Variants in SAMD14 observed in about 807,000 individuals in gnomAD.
SAMD14 encodes the protein sterile alpha motif domain containing 14, also known as sterile alpha motif domain-containing protein 14.
A neutral mutation model predicts 46.2 loss-of-function variants in SAMD14; 27 were observed. The ratio of observed to expected loss-of-function variants is 0.58; its 90% CI spans 0.43 to 0.81. The LOEUF is 0.81. Ranked by LOEUF, SAMD14 falls within the 30% of genes least tolerant of loss-of-function variation. The pLI, the probability that SAMD14 is intolerant of heterozygous loss-of-function variation, is 0.00. For missense variants in SAMD14, 559 were observed against 582.2 expected (o/e 0.96, Z 0.41); for synonymous variants, 241 against 254.3 (o/e 0.95, Z 0.50).
chr17:50,113,243 G>A (rs1283628908), intron 9 of SAMD14, 195 bp from the exon 10 acceptor site: 2 of 617,592 alleles, frequency 3.2e-6, no homozygotes, highest in East Asian at 5.8e-5. Flanking sequence ...GAGTGTGGTT[G>A]GGAAAGATGA....
rs1910947408 is a variant in SAMD14, at chr17:50,113,040, C to G, written c.1107G>C (p.Gly369=). The G allele has an allele frequency of 1.9e-6, 3 of 1,611,840 alleles. No individual in the cohort carries two copies. Among genetic ancestry groups the G allele is most frequent in the Non-Finnish European group, 2.5e-6 (3 of 1,179,974 alleles). Residue 369 remains glycine (G), a synonymous_variant, in exon 10 of 10, where the codon GGG becomes GGC. Transcript: ENST00000330175. ...QLDGSKLKSL[G]LSNSHDRALV... is the part of the protein sequence containing the mutation. ...GTGCCCGGTCATGAGAGTTGCTGAG[C>G]CCCAGGCTCTGGGGAGGAGTCCGGG...
At position 50,127,209 on chromosome 17, in the gene SAMD14, C is replaced by T. The variant is rs148058848; in HGVS notation, c.-12-2238G>A. On this transcript the variant is annotated intron_variant, in intron 1 of 9. Coordinates refer to ENST00000330175, the MANE Select transcript of SAMD14 (RefSeq NM_001257359.2). Reference sequence around the variant, plus strand: ...TTGAGCCAGGGCTCCTGCCCCTCTGCGCTATCCTAGGTGATGATCTTCAGT... The same window carrying T: ...TTGAGCCAGGGCTCCTGCCCCTCTGTGCTATCCTAGGTGATGATCTTCAGT... Among the ~76,000 whole-genome samples, 851 of 152,238 alleles carry T rather than the reference C, an allele frequency of 5.6e-3. 12 individuals are homozygous for T. Among genetic ancestry groups the T allele is most frequent in the African/African-American group, 0.019 (800 of 41,544 alleles).
rs377751890 is a variant in SAMD14 at position 50,116,038 on chromosome 17, G to T, written c.552C>A (p.Leu184=). 7 of 1,613,898 alleles carry T rather than the reference G, an allele frequency of 4.3e-6. No homozygotes were observed. The highest frequency in any genetic ancestry group is 5.9e-6 in the Non-Finnish European group (7 of 1,179,962). ...PPEPASPTIG[L]DKKTRRKFLD... ...GGAACTTTCGGCGAGTCTTCTTATCGAGGCCGATGGTGGGGCTGGCGGGCT... is the reference window on the plus strand; with the variant it reads ...GGAACTTTCGGCGAGTCTTCTTATCTAGGCCGATGGTGGGGCTGGCGGGCT... Residue 184 remains leucine, a synonymous_variant, in exon 5 of 10, where the codon CTC becomes CTA. Transcript: ENST00000330175.
chr17:50,126,232 T>C (rs1567723662), intron 1 of SAMD14, among the ~76,000 whole-genome samples: 1 of 151,996 alleles, frequency 6.6e-6, no homozygotes, highest in Non-Finnish European at 1.5e-5. Context: ...ACATGCCTGC[T>C]GGGGTCTTTT....
chr17:50,116,399 ACTTT>A, intron 4 of SAMD14: 1 of 190,258 alleles, frequency 5.3e-6, no homozygotes, highest in Non-Finnish European at 1.0e-5. Context: ...ATCCTGGCCA[ACTTT>A]TTTTTTTTTT....
rs1911351160 is a variant in SAMD14, at chr17:50,118,413, CA to C, written c.44-87del. The C allele has an allele frequency of 2.7e-6, 4 of 1,486,410 alleles. No homozygotes were observed. In the South Asian group the frequency reaches 3.6e-5, roughly 13 times the overall value. 92.1% of individuals were successfully genotyped at this position (1,486,410 alleles called of 1,614,324 possible). ...GCCCACCTCAGGGGCCACCTGCACCCACACCCCAGGCATTCAACCCGTGTTC... is the reference window on the plus strand; with the variant it reads ...GCCCACCTCAGGGGCCACCTGCACCCCACCCCAGGCATTCAACCCGTGTTC... On this transcript the variant is annotated intron_variant, in intron 2 of 9. Transcript: ENST00000330175.
intron 2 of SAMD14, 146 bp from the exon 3 acceptor site, chr17:50,118,473 G>A (rs1911354115): frequency 1.0e-6 from 1 of 959,604 alleles, no homozygotes; most frequent in Non-Finnish European, 1.5e-6. Flanking sequence ...ATGAAAAACA[G>A]GGTGTCTCCC....
At chr17:50,128,719 C>G (rs1226895610) in intron 1 of SAMD14, among the ~76,000 whole-genome samples, 1 of 151,836 alleles carries the variant, frequency 6.6e-6, no homozygotes, top group Non-Finnish European at 1.5e-5. Context: ...GGGGAGGGAG[C>G]GGGAGCGGGA....
At chr17:50,126,706 T>G (rs997365681) in intron 1 of SAMD14, among the ~76,000 whole-genome samples, 1 of 152,176 alleles carries the variant, frequency 6.6e-6, no homozygotes, top group African/African-American at 2.4e-5. Flanking sequence ...AGTTGGTGCA[T>G]GCTTATAATC....
chr17:50,116,009 T>A lies in SAMD14; in HGVS notation c.581A>T (p.Asp194Val). The stretch of plus-strand genomic sequence containing the variant: ...TAGCCCCGCCTCCACTCACCCCAGG[T>A]CCAGGAACTTTCGGCGAGTCTTCTT... ...LDKKTRRKFL[D>V]LGVTLRRAST... Residue 194 changes from aspartate to valine, a missense_variant, in exon 5 of 10, where the codon GAC becomes GTC. Transcript: ENST00000330175. 1 of 1,614,094 alleles carries A rather than the reference T, an allele frequency of 6.2e-7. No individual in the cohort carries two copies. The highest frequency in any genetic ancestry group is 8.5e-7 in the Non-Finnish European group (1 of 1,179,970).
intron 1 of SAMD14, among the ~76,000 whole-genome samples, chr17:50,127,111 AAATT>A (rs1911813815): frequency 6.6e-6 from 1 of 151,868 alleles, no homozygotes; most frequent in South Asian, 2.1e-4. Flanking sequence ...AAAAAAAAAA[AAATT>A]AAGTAAATAA....
chr17:50,115,427 CG>C lies in SAMD14; in HGVS notation c.822+136del, dbSNP rs1441768693. The C allele has an allele frequency of 7.2e-6, 6 of 834,978 alleles. No individual in the cohort carries two copies. The highest frequency in any genetic ancestry group is 3.4e-5 in the African/African-American group (2 of 58,868). 51.7% of individuals were successfully genotyped at this position (834,978 alleles called of 1,614,324 possible). ...TGAATTCAGAGAATGCATGAAGTAA[CG>C]GATCACTGCATGGCTCCATGGATGG... On this transcript the variant is annotated intron_variant, in intron 7 of 9. Coordinates refer to ENST00000330175, the MANE Select transcript of SAMD14 (RefSeq NM_001257359.2). This position sits in a 1 kb window ranked among gnomAD's most constrained non-coding sequence, Gnocchi z 5.3.
At chr17:50,125,223 C>T in intron 1 of SAMD14, 1 of 480,160 alleles carries the variant, frequency 2.1e-6, no homozygotes, top group Non-Finnish European at 3.8e-6. Flanking sequence ...AGGCTGAGCC[C>T]TGTGGTCCTG....
Position 50,110,225 on chromosome 17 carries a change from T to C in SAMD14, c.*2668A>G. 2 of 1,031,098 alleles carry C rather than the reference T, an allele frequency of 1.9e-6. No individual in the cohort carries two copies. Among genetic ancestry groups the C allele is most frequent in the Non-Finnish European group, 2.7e-6 (2 of 731,050 alleles). 63.9% of individuals were successfully genotyped at this position (1,031,098 alleles called of 1,614,324 possible). ...CCCTGATGACCAGGTTCTGTCTCTA[T>C]GGAAGTCACTGCGGTGATAGGTCTG... On this transcript the variant is annotated 3_prime_UTR_variant, in exon 10 of 10. Transcript: ENST00000330175.
At position 50,130,116 on chromosome 17, in the gene SAMD14, G is replaced by T. The variant is rs977362789; in HGVS notation, c.-612C>A. On this transcript the variant is annotated 5_prime_UTR_variant, in exon 1 of 10. Transcript: ENST00000330175. This position sits in a 1 kb window ranked among gnomAD's most constrained non-coding sequence, Gnocchi z 4.1. ...GCGGGGAGGAGGCGGCTGGGGCCGGGGAGCGGAGTTGCAGCTACTTCTCTG... is the reference window on the plus strand; with the variant it reads ...GCGGGGAGGAGGCGGCTGGGGCCGGTGAGCGGAGTTGCAGCTACTTCTCTG... Among the ~76,000 whole-genome samples, 2 of 152,038 alleles carry T rather than the reference G, an allele frequency of 1.3e-5. No individual in the cohort carries two copies. The highest frequency in any genetic ancestry group is 4.8e-5 in the African/African-American group (2 of 41,414).
In SAMD14 at chr17:50,114,225, A is replaced by G. The variant is rs1337380897; in HGVS notation, c.904T>C (p.Ser302Pro). Residue 302 changes from serine to proline, a missense_variant, in exon 8 of 10, where the codon TCT (serine) becomes CCT (proline). Physicochemically the swap from Ser to Pro is moderately conservative, Grantham distance 74. Coordinates refer to ENST00000330175, the MANE Select transcript of SAMD14 (RefSeq NM_001257359.2). ...PSGPWQEAKC[S>P]YPYHTLSQSS... is the part of the protein sequence containing the mutation. ...TGAGACAGCGTGTGGTAGGGGTAAG[A>G]ACATTTGGCCTCCTGCCAGGGCCCA... The G allele has an allele frequency of 9.3e-6, 15 of 1,614,122 alleles. No individual in the cohort carries two copies. In the Admixed American group the frequency reaches 1.8e-4, roughly 20 times the overall value.
At chr17:50,114,424 T>C in intron 7 of SAMD14, 118 bp from the exon 8 acceptor site, 3 of 1,613,654 alleles carry the variant, frequency 1.9e-6, no homozygotes, top group Non-Finnish European at 2.5e-6. Flanking sequence ...CTCCTGTGCA[T>C]GAGCCAGGAG....
In SAMD14 at chr17:50,114,274, G is replaced by A. The variant is rs1450003565; in HGVS notation, c.855C>T (p.Pro285=). The A allele has an allele frequency of 1.2e-6, 2 of 1,613,906 alleles. No individual in the cohort carries two copies. Among genetic ancestry groups the A allele is most frequent in the Non-Finnish European group, 1.7e-6 (2 of 1,179,994 alleles). ...CACTGGGGATCTTGGGGCTGCTGCT[G>A]GGGGGCGTGGAGTCATCACTCAGAG... is the stretch of plus-strand genomic sequence containing the variant. ...ESTLSDDSTP[P]SSSPKIPSGP... is the part of the protein sequence containing the mutation. Residue 285 remains proline (P), a synonymous_variant, in exon 8 of 10, where the codon CCC becomes CCT. Coordinates refer to ENST00000330175, the MANE Select transcript of SAMD14 (RefSeq NM_001257359.2).
intron 4 of SAMD14, among the ~76,000 whole-genome samples, chr17:50,117,104 C>T (rs1399364747): frequency 6.6e-6 from 1 of 152,220 alleles, no homozygotes; most frequent in Middle Eastern, 3.2e-3. Context: ...TCCATCTCGG[C>T]CTCCCAAGGT....
Sources: gnomAD v4.1 joint callset for allele counts (sites outside exome capture counted in the v4.1 genomes callset) on GRCh38, gnomAD v4.1.1 for gene constraint, Gnocchi (gnomAD v3.1) non-coding constraint, MANE v1.5 for transcripts, NCBI Gene and HGNC (gene_info 2026-07-23, HGNC 2026-07-21) for gene names.